EDIL3: variants seen among roughly 807,000 people sequenced by gnomAD.
EDIL3 encodes the protein EGF like and discoidin domains 3.
Under a neutral mutation model 67.4 loss-of-function variants are expected in EDIL3, and 37 were observed. That is an observed-to-expected ratio of 0.55 (90% CI 0.42 to 0.72). EDIL3 has a LOEUF of 0.72. Among genes scored for constraint, EDIL3 ranks in the 30% least tolerant of loss-of-function variants. The probability of loss-of-function intolerance (pLI) is 0.00; values close to 1 mark genes in which losing one functional copy is unlikely to be tolerated. For missense variants in EDIL3, 527 were observed against 586.3 expected (o/e 0.90, Z 1.04); for synonymous variants, 195 against 196.3 (o/e 0.99, Z 0.05).
chr5:84,180,619 T>C, intron 3 of EDIL3, 98 bp from the exon 4 acceptor site: 3 of 1,319,696 alleles, frequency 2.3e-6, no homozygotes, highest in South Asian at 3.5e-5. Context: ...AAAAAAGTGT[T>C]CTAGATATTA....
At chr5:84,012,758 A>G (rs1745538608) in intron 9 of EDIL3, among the ~76,000 whole-genome samples, 1 of 152,096 alleles carries the variant, frequency 6.6e-6, no homozygotes, top group African/African-American at 2.4e-5. Context: ...ATTAATTATA[A>G]TCTATACTAA....
At chr5:84,138,551 T>C (rs1031171939) in intron 4 of EDIL3, among the ~76,000 whole-genome samples, 18 of 152,360 alleles carry the variant, frequency 1.2e-4, no homozygotes, top group South Asian at 2.1e-4. Context: ...CAAATGATAG[T>C]TCTGAAGTCT....
chr5:84,042,613 C>T (rs906767142), intron 9 of EDIL3, among the ~76,000 whole-genome samples: 3 of 152,034 alleles, frequency 2.0e-5, no homozygotes, highest in Admixed American at 2.0e-4. Flanking sequence ...ACCTATTCTA[C>T]TGAGTAAAAG....
intron 6 of EDIL3, among the ~76,000 whole-genome samples, chr5:84,086,901 C>T (rs945275198): frequency 6.6e-6 from 1 of 152,028 alleles, no homozygotes; most frequent in Non-Finnish European, 1.5e-5. Flanking sequence ...AAGATGGCAG[C>T]CTCTGAGTTC....
intron 9 of EDIL3, among the ~76,000 whole-genome samples, chr5:84,043,587 C>T (rs753700243): frequency 2.6e-5 from 4 of 152,026 alleles, no homozygotes; most frequent in Non-Finnish European, 5.9e-5. Context: ...CCACAGGCAG[C>T]CATGAAAAAA....
chr5:84,307,552 C>T (rs1200223748), intron 1 of EDIL3, among the ~76,000 whole-genome samples: 1 of 152,114 alleles, frequency 6.6e-6, no homozygotes, highest in African/African-American at 2.4e-5. Context: ...TCAAAAATTA[C>T]ATTTGAAACA....
At position 84,049,156 on chromosome 5, in the gene EDIL3, T is replaced by C. The variant is rs139174705; in HGVS notation, c.1137+11144A>G. On this transcript the variant is annotated intron_variant, in intron 9 of 10. Transcript: ENST00000296591. ...TGAAAAATCTGATGCTACCTAGATA[T>C]AGACATTTCAAAGTTTTTATGTGCC... Among the ~76,000 whole-genome samples the C allele has an allele frequency of 5.8e-3, 879 of 152,304 alleles. 12 individuals carry two copies. The highest frequency in any genetic ancestry group is 0.02 in the African/African-American group (844 of 41,564).
intron 9 of EDIL3, among the ~76,000 whole-genome samples, chr5:83,970,333 C>A (rs1744770285): frequency 6.9e-6 from 1 of 144,454 alleles, no homozygotes; most frequent in African/African-American, 2.6e-5. Flanking sequence ...AATGTTCCTG[C>A]TGATTTTTAA....
chr5:84,058,896 G>A (rs1273984476), intron 9 of EDIL3, among the ~76,000 whole-genome samples: 1 of 152,050 alleles, frequency 6.6e-6, no homozygotes, highest in African/African-American at 2.4e-5. Context: ...GTTGGGTGCT[G>A]GGATGATATA....
At chr5:83,974,704 G>T (rs1192306070) in intron 9 of EDIL3, among the ~76,000 whole-genome samples, 1 of 151,912 alleles carries the variant, frequency 6.6e-6, no homozygotes, top group Non-Finnish European at 1.5e-5. Context: ...TAAAAGTCAT[G>T]ATTATAGACT....
chr5:84,182,270 TACACAC>T (rs71607704), intron 3 of EDIL3, among the ~76,000 whole-genome samples: 48,616 of 141,780 alleles, frequency 0.34, 8,476 homozygotes, highest in South Asian at 0.46. Flanking sequence ...CTACAAAAAA[TACACAC>T]ACACACACAC....
intron 4 of EDIL3, among the ~76,000 whole-genome samples, chr5:84,172,454 C>T (rs1748828332): frequency 6.6e-6 from 1 of 151,964 alleles, no homozygotes; most frequent in Non-Finnish European, 1.5e-5. Context: ...TGGTGGCATG[C>T]CTATGGTCCC....
chr5:84,014,295 C>T (rs1745563240), intron 9 of EDIL3, among the ~76,000 whole-genome samples: 1 of 152,172 alleles, frequency 6.6e-6, no homozygotes, highest in South Asian at 2.1e-4. Flanking sequence ...AGCTACTCAA[C>T]TTCTGGTAGC....
intron 9 of EDIL3, among the ~76,000 whole-genome samples, chr5:84,045,753 AG>A (rs1331558059): frequency 1.3e-5 from 2 of 152,212 alleles, no homozygotes; most frequent in African/African-American, 4.8e-5. Context: ...CACTTCACTG[AG>A]GCATGTTTTC....
chr5:84,150,934 C>A (rs1748378315), intron 4 of EDIL3, among the ~76,000 whole-genome samples: 1 of 151,952 alleles, frequency 6.6e-6, no homozygotes, highest in Admixed American at 6.6e-5. Flanking sequence ...TATACAGTGT[C>A]TATTTTATTT....
intron 10 of EDIL3, among the ~76,000 whole-genome samples, chr5:83,958,006 T>G (rs1278135019): frequency 1.3e-5 from 2 of 151,574 alleles, no homozygotes; most frequent in Non-Finnish European, 1.5e-5. Context: ...AAAGCTAGTG[T>G]TTACTTTGTG....
chr5:84,150,968 T>A (rs978378294), intron 4 of EDIL3, among the ~76,000 whole-genome samples: 1 of 152,046 alleles, frequency 6.6e-6, no homozygotes. Context: ...GAAATGCAAC[T>A]AATCTATCAT....
chr5:84,280,647 A>C (rs1745676843), intron 1 of EDIL3, among the ~76,000 whole-genome samples: 1 of 152,140 alleles, frequency 6.6e-6, no homozygotes, highest in African/African-American at 2.4e-5. Flanking sequence ...TTTGGTGATC[A>C]CTTCTGTAAA....
At chr5:84,229,060 A>AC (rs1561228288) in intron 3 of EDIL3, among the ~76,000 whole-genome samples, 1 of 150,778 alleles carries the variant, frequency 6.6e-6, no homozygotes, top group African/African-American at 2.4e-5. Flanking sequence ...ACTTGACTCT[A>AC]TTTTTTTTTC....
Sources: gnomAD v4.1 joint callset for allele counts (sites outside exome capture counted in the v4.1 genomes callset) on GRCh38, gnomAD v4.1.1 for gene constraint, MANE v1.5 for transcripts, NCBI Gene and HGNC (gene_info 2026-07-23, HGNC 2026-07-21) for gene names.